The following NAA38 variants were observed in gnomAD, a reference collection of about 807,000 sequenced individuals.
NAA38 encodes the protein LSM domain containing 1.
In NAA38, 15 loss-of-function variants were observed where a neutral mutation model predicts 12.6. The observed-to-expected ratio is 1.19, with a 90% CI of 0.79 to 1.83. The LOEUF is 1.83. Ranked by LOEUF, NAA38 falls within the 40% of genes most tolerant of loss-of-function variation. NAA38 has a pLI of 0.00. For synonymous variants in NAA38, 88 were observed against 69.9 expected (o/e 1.26, Z -1.29); for missense variants, 183 against 171.7 (o/e 1.07, Z -0.37).
upstream of NAA38, chr17:7,858,404 G>C (rs377138097): frequency 1.9e-6 from 3 of 1,614,152 alleles, no homozygotes; most frequent in Non-Finnish European, 8.5e-7. Context: ...CTTTTCAAGG[G>C]AACCTGCTGC....
intron 3 of NAA38, chr17:7,865,275 TTAAG>T (rs751037677): frequency 3.3e-5 from 5 of 152,092 alleles, no homozygotes; most frequent in Non-Finnish European, 5.9e-5. Context: ...CAGAGAGAGA[TTAAG>T]TAACTTGCCA....
At chr17:7,882,732 G>A (rs1030482154) in intron 2 of NAA38, among the ~76,000 whole-genome samples, 1 of 152,148 alleles carries the variant, frequency 6.6e-6, no homozygotes, top group Non-Finnish European at 1.5e-5. Flanking sequence ...GTGCATTAGT[G>A]TGGGGAGTGG....
At chr17:7,885,411 G>A (rs1276701026), upstream of NAA38, among the ~76,000 whole-genome samples, 4 of 150,136 alleles carry the variant, frequency 2.7e-5, no homozygotes, top group South Asian at 6.2e-4. Flanking sequence ...CGCGGCTTTC[G>A]GGGGAGGAGG....
chr17:7,872,524 G>A (rs554582368), intron 2 of NAA38, among the ~76,000 whole-genome samples: 10 of 152,228 alleles, frequency 6.6e-5, no homozygotes, highest in Non-Finnish European at 1.0e-4. Flanking sequence ...CACCACGCCC[G>A]GCTAATTTTT....
chr17:7,865,408 A>G (rs1229034207), intron 3 of NAA38: 6 of 152,226 alleles, frequency 3.9e-5, no homozygotes, highest in African/African-American at 1.2e-4. Context: ...TATTTTGCCA[A>G]TGAATCTGCA....
intron 1 of NAA38, among the ~76,000 whole-genome samples, chr17:7,884,590 C>T (rs1418446598): frequency 7.3e-6 from 1 of 136,336 alleles, no homozygotes; most frequent in African/African-American, 2.8e-5. Flanking sequence ...GGTGGTTTGG[C>T]CCCCCTCCTC....
In NAA38 at chr17:7,884,935, T is replaced by TGAG. The variant is rs770952876; in HGVS notation, c.-167+227_-167+229dup. ...AGGTGGAGGCGGCCGACGAGGACGA[T>TGAG]GAGGAGGACGACGACGAGGGAGTAC... On this transcript the variant is annotated intron_variant, in intron 1 of 4. Coordinates refer to the NAA38 transcript ENST00000576861. 1.2e-5 allele frequency: 16 copies of TGAG among 1,348,602 alleles called. No homozygotes were observed. The East Asian group carries it at 5.1e-4, about 43-fold the overall frequency. 83.5% of individuals were successfully genotyped at this position (1,348,602 alleles called of 1,614,324 possible).
chr17:7,882,293 G>A (rs747347196), intron 2 of NAA38, among the ~76,000 whole-genome samples: 1 of 152,170 alleles, frequency 6.6e-6, no homozygotes, highest in Non-Finnish European at 1.5e-5. Flanking sequence ...CCACATACAC[G>A]TGGAGACACT....
upstream of NAA38, chr17:7,859,836 G>A: frequency 3.7e-6 from 2 of 543,830 alleles, no homozygotes; most frequent in South Asian, 2.1e-5. Flanking sequence ...GATACAAGAA[G>A]ATCAAGTACC....
chr17:7,857,152 T>G lies in NAA38; in HGVS notation c.128A>C (p.Gln43Pro). Residue 43 changes from glutamine to proline, a missense_variant, in exon 2 of 3, where the codon CAG becomes CCG. Coordinates refer to ENST00000575771, the MANE Select transcript of NAA38 (RefSeq NM_001320925.4). Reference protein sequence around the residue: ...REDSAAERARQQLEALLNKTM... With the variant: ...REDSAAERARPQLEALLNKTM... ...CTTGTTGAGCAGCGCCTCTAGCTGCTGTCGGGCGCGCTCAGCCGCCGAGTC... is the reference window on the plus strand; with the variant it reads ...CTTGTTGAGCAGCGCCTCTAGCTGCGGTCGGGCGCGCTCAGCCGCCGAGTC... The G allele has an allele frequency of 6.2e-7, 1 of 1,613,036 alleles. No individual in the cohort carries two copies. The highest frequency in any genetic ancestry group is 1.1e-5 in the South Asian group (1 of 91,092).
chr17:7,869,566 A>T (rs1211599971), intron 2 of NAA38, among the ~76,000 whole-genome samples: 1 of 152,144 alleles, frequency 6.6e-6, no homozygotes, highest in Non-Finnish European at 1.5e-5. Context: ...GTTCAAGACC[A>T]GCCTGGCCAA....
At chr17:7,884,907 A>G (rs1597891080) in intron 1 of NAA38, 1 of 1,358,676 alleles carries the variant, frequency 7.4e-7, no homozygotes, top group South Asian at 1.5e-5. Context: ...GAGGAGGAGG[A>G]GGAGGTGGAG....
intron 1 of NAA38, chr17:7,884,772 G>GGGTGGGGGGGT: frequency 5.7e-6 from 2 of 352,572 alleles, no homozygotes; most frequent in Non-Finnish European, 9.9e-6. Flanking sequence ...GGCGGGCGGT[G>GGGTGGGGGGGT]GGTGGGGGGG....
rs1050234897 is a variant in NAA38, at chr17:7,869,711, C to T, written c.-65-3153G>A. On this transcript the variant is annotated intron_variant, in intron 2 of 4. Transcript: ENST00000576861. The stretch of plus-strand genomic sequence containing the variant: ...CCGGGAGGCAGAGGTTGCAGTGAGC[C>T]GAGATCACACCACTGCATTCCAGCC... 2.0e-5 allele frequency among the ~76,000 whole-genome samples: 3 copies of T among 151,152 alleles called. 1 individual carries two copies. The highest frequency in any genetic ancestry group is 2.0e-4 in the Admixed American group (3 of 15,174).
chr17:7,857,907 G>A, upstream of NAA38: 1 of 1,413,800 alleles, frequency 7.1e-7, no homozygotes, highest in Non-Finnish European at 9.2e-7. Flanking sequence ...ATCCTTATAT[G>A]CCCCACGCGG....
intron 2 of NAA38, among the ~76,000 whole-genome samples, chr17:7,871,082 G>A (rs1056193560): frequency 1.3e-5 from 2 of 152,122 alleles, no homozygotes; most frequent in Non-Finnish European, 2.9e-5. Context: ...AGCACATCTA[G>A]AAACAAATTC....
At chr17:7,868,951 G>A (rs1967036083) in intron 2 of NAA38, among the ~76,000 whole-genome samples, 1 of 152,226 alleles carries the variant, frequency 6.6e-6, no homozygotes, top group African/African-American at 2.4e-5. Context: ...TGGAAAGCAA[G>A]GGAATGGGGC....
upstream of NAA38, chr17:7,885,216 G>T (rs1421803416): frequency 1.2e-6 from 1 of 868,328 alleles, no homozygotes; most frequent in Non-Finnish European, 1.4e-6. Context: ...GCTCGGGCCC[G>T]TGGCCCCGCG....
intron 1 of NAA38, chr17:7,884,757 AGGCG>A (rs1320155991): frequency 8.8e-6 from 1 of 113,548 alleles, no homozygotes; most frequent in Non-Finnish European, 1.5e-5. Flanking sequence ...GCGGTGGGGG[AGGCG>A]GGCGGGCGGT....
Sources: allele counts gnomAD v4.1 joint callset (sites outside exome capture counted in the v4.1 genomes callset), GRCh38; gene constraint gnomAD v4.1.1; transcripts MANE v1.5; gene names NCBI Gene and HGNC (gene_info 2026-07-23, HGNC 2026-07-21).